Variants in TMC1 observed in about 807,000 individuals in gnomAD.
TMC1 encodes the protein transmembrane channel-like protein 1.
In TMC1, 84 loss-of-function variants were observed where a neutral mutation model predicts 105.8. That is an observed-to-expected ratio of 0.79 (90% confidence interval 0.67 to 0.95). The LOEUF is 0.95. TMC1 is among the 40% of genes least tolerant of loss of function. The pLI, the probability that TMC1 is intolerant of heterozygous loss-of-function variation, is 0.00. For synonymous variants in TMC1, 315 were observed against 311.5 expected (o/e 1.01, Z -0.12); for missense variants, 817 against 914.1 (o/e 0.89, Z 1.37).
At chr9:72,819,440 C>T (rs543002465) in intron 19 of TMC1, among the ~76,000 whole-genome samples, 60 of 152,204 alleles carry the variant, frequency 3.9e-4, no homozygotes, top group South Asian at 8.3e-4. Context: ...ACTTTTTTGG[C>T]GTTCCCTCTC....
intron 8 of TMC1, among the ~76,000 whole-genome samples, chr9:72,722,765 G>T (rs1213327007): frequency 1.3e-5 from 2 of 152,168 alleles, no homozygotes; most frequent in African/African-American, 4.8e-5. Context: ...TGGATGAATA[G>T]GTGAGTGAAG....
chr9:72,672,609 ATAT>A (rs1187954786), intron 5 of TMC1, among the ~76,000 whole-genome samples: 1 of 151,996 alleles, frequency 6.6e-6, no homozygotes, highest in Non-Finnish European at 1.5e-5. Context: ...AACTAATAAA[ATAT>A]TAATTAATTA....
chr9:72,765,555 GC>G (rs1827816377), intron 12 of TMC1, among the ~76,000 whole-genome samples: 2 of 151,196 alleles, frequency 1.3e-5, no homozygotes, highest in Admixed American at 6.6e-5. Context: ...ATGAGATAGT[GC>G]TATGCTCTCA....
intron 4 of TMC1, among the ~76,000 whole-genome samples, chr9:72,634,102 A>G (rs1825493589): frequency 6.6e-6 from 1 of 152,108 alleles, no homozygotes. Context: ...GGACTAGGGA[A>G]CGAGTGCTGC....
intron 18 of TMC1, among the ~76,000 whole-genome samples, chr9:72,806,343 T>A (rs1479956978): frequency 5.8e-5 from 5 of 86,504 alleles, no homozygotes. Flanking sequence ...GCTGGCCGGG[T>A]GGGGGGCTGA....
chr9:72,589,959 C>T (rs1356285545), intron 2 of TMC1, among the ~76,000 whole-genome samples: 3 of 152,074 alleles, frequency 2.0e-5, no homozygotes, highest in African/African-American at 7.2e-5. Flanking sequence ...CCAATGTTGC[C>T]CCTGTGTTTG....
intron 18 of TMC1, among the ~76,000 whole-genome samples, chr9:72,811,395 G>C (rs1828701380): frequency 6.6e-6 from 1 of 152,108 alleles, no homozygotes; most frequent in Non-Finnish European, 1.5e-5. Context: ...AGGCTTCTCT[G>C]AGCACAGTTC....
chr9:72,795,518 C>T (rs778952403), intron 17 of TMC1, among the ~76,000 whole-genome samples: 19 of 152,264 alleles, frequency 1.2e-4, no homozygotes, highest in Non-Finnish European at 2.1e-4. Flanking sequence ...AAAAAATCTT[C>T]AACCAAGAAT....
At chr9:72,566,877 C>T (rs1017980997) in intron 1 of TMC1, among the ~76,000 whole-genome samples, 5 of 152,134 alleles carry the variant, frequency 3.3e-5, no homozygotes, top group Non-Finnish European at 5.9e-5. Context: ...ACCAGGTGCC[C>T]AGTTGTTTTC....
intron 18 of TMC1, among the ~76,000 whole-genome samples, chr9:72,806,224 T>C (rs1487673224): frequency 7.7e-6 from 1 of 130,028 alleles, no homozygotes; most frequent in Non-Finnish European, 1.8e-5. Context: ...GGCAGGGGGC[T>C]GACCACCCCA....
intron 2 of TMC1, among the ~76,000 whole-genome samples, chr9:72,601,645 G>A (rs6560300): frequency 0.57 from 85,856 of 151,874 alleles, 25,455 homozygotes; most frequent in African/African-American, 0.76. Flanking sequence ...ACCCTGTCTC[G>A]AACAAAACAA....
At chr9:72,635,253 CAAA>C (rs56137734) in intron 4 of TMC1, among the ~76,000 whole-genome samples, 1 of 122,608 alleles carries the variant, frequency 8.2e-6, no homozygotes. Flanking sequence ...ACTCCGTCTC[CAAA>C]AAAAAAAAAA....
intron 8 of TMC1, among the ~76,000 whole-genome samples, chr9:72,724,611 A>T (rs1827085090): frequency 6.6e-6 from 1 of 152,180 alleles, no homozygotes; most frequent in Non-Finnish European, 1.5e-5. Context: ...GATATAAAAA[A>T]TTTCTGAAGT....
intron 1 of TMC1, among the ~76,000 whole-genome samples, chr9:72,573,043 ATC>A (rs1289771475): frequency 2.6e-5 from 4 of 152,084 alleles, no homozygotes; most frequent in Non-Finnish European, 5.9e-5. Context: ...ATGAAATGCT[ATC>A]TCATTATTGT....
chr9:72,815,465 T>C (rs1040431412), intron 18 of TMC1, among the ~76,000 whole-genome samples: 1 of 152,202 alleles, frequency 6.6e-6, no homozygotes, highest in Non-Finnish European at 1.5e-5. Context: ...ATTTTTAATA[T>C]GCAAAACTTG....
chr9:72,770,301 A>AT (rs1564543144), intron 12 of TMC1, among the ~76,000 whole-genome samples: 11 of 148,462 alleles, frequency 7.4e-5, no homozygotes, highest in African/African-American at 2.5e-4. Flanking sequence ...TATATATATA[A>AT]AATTTATTAT....
chr9:72,742,418 A>G lies in TMC1; in HGVS notation c.454-26A>G, dbSNP rs777517407. On this transcript the variant is annotated intron_variant, in intron 9 of 23. Transcript: ENST00000297784. ...TTGACAAATCAAGAGGTTGGACTTT[A>G]CTTTTGTATTTGACTTTCTTTTCAG... The G allele has an allele frequency of 7.5e-6, 12 of 1,594,972 alleles. No individual in the cohort carries two copies. The South Asian group carries it at 1.2e-4, about 16-fold the overall frequency.
Position 72,836,115 on chromosome 9 carries a change from C to A in TMC1, c.*142C>A. On this transcript the variant is annotated 3_prime_UTR_variant, in exon 24 of 24. Transcript: ENST00000297784. Reference sequence around the variant, plus strand: ...GATGGATTTTCAAGGTCATGCTGGCCAATTAAGGCATCATCAGTCCTACCT... The same window carrying A: ...GATGGATTTTCAAGGTCATGCTGGCAAATTAAGGCATCATCAGTCCTACCT... 1.1e-6 allele frequency: 1 copy of A among 930,936 alleles called. No homozygotes were observed. Among genetic ancestry groups the A allele is most frequent in the East Asian group, 2.4e-5 (1 of 41,740 alleles). 57.7% of individuals were successfully genotyped at this position (930,936 alleles called of 1,614,324 possible). A position where few individuals can be genotyped will look rare whatever the true frequency, so the allele number is the denominator to read the frequency against.
At position 72,791,946 on chromosome 9, in the gene TMC1, G is replaced by A. The variant is rs780260906; in HGVS notation, c.1285G>A (p.Glu429Lys). The A allele has an allele frequency of 1.3e-5, 21 of 1,613,760 alleles. No individual in the cohort carries two copies. The South Asian group carries it at 2.0e-4, about 15-fold the overall frequency. The stretch of plus-strand genomic sequence containing the variant: ...TCCAACATTGTTTGACTTATTTGCT[G>A]AATTAGAAGACTACCATCCTCTCAT... ...FCPTLFDLFA[E>K]LEDYHPLIAL... is the part of the protein sequence containing the mutation. Residue 429 changes from glutamate (E) to lysine (K), a missense_variant, in exon 16 of 24, where the codon GAA becomes AAA. Glu to Lys is a moderately conservative substitution (Grantham distance 56, BLOSUM62 1). Coordinates refer to ENST00000297784, the MANE Select transcript of TMC1 (RefSeq NM_138691.3).
Sources: allele counts gnomAD v4.1 joint callset (sites outside exome capture counted in the v4.1 genomes callset), GRCh38; gene constraint gnomAD v4.1.1; transcripts MANE v1.5; gene names NCBI Gene and HGNC (gene_info 2026-07-23, HGNC 2026-07-21).